Variants in MCM3 observed in about 807,000 individuals in gnomAD.
MCM3 encodes minichromosome maintenance complex component 3.
MCM3 carries 59 observed loss-of-function variants against 91.3 expected under a neutral mutation model. That is an observed-to-expected ratio of 0.65 (90% CI 0.52 to 0.80). The LOEUF is 0.80. Among genes scored for constraint, MCM3 ranks in the 30% least tolerant of loss-of-function variants. The pLI is 0.00. For synonymous variants in MCM3, 383 were observed against 379.6 expected, an observed-to-expected ratio of 1.01 and a Z score of -0.10; for missense variants, 919 against 1,035.4, an observed-to-expected ratio of 0.89 and a Z score of 1.54.
chr6:52,279,368 T>A lies in MCM3; in HGVS notation c.763A>T (p.Thr255Ser). 2 of 1,613,404 alleles carry A rather than the reference T, an allele frequency of 1.2e-6. No individual in the cohort carries two copies. Among genetic ancestry groups the A allele is most frequent in the Admixed American group, 1.7e-5 (1 of 60,014 alleles). Residue 255 changes from threonine (T) to serine (S), a missense_variant, in exon 5 of 17, where the codon ACC becomes TCC. Physicochemically the swap from Thr to Ser is moderately conservative, Grantham distance 58. This residue lies in a region of MCM3 where 401 missense variants were observed against 402.7 expected (regional missense o/e 1.00). Coordinates refer to ENST00000596288, the MANE Select transcript of MCM3 (RefSeq NM_002388.6). ...PGKKGGYTSG[T>S]FRTVLIACNV... ...TTAAGGCAGACCCTTTACCTGAAGG[T>A]CCCAGAGGTGTAGCCTCCCTTCTTT...
chr6:52,283,792 G>A (rs1410808194), intron 1 of MCM3, among the ~76,000 whole-genome samples: 2 of 152,204 alleles, frequency 1.3e-5, no homozygotes, highest in East Asian at 1.9e-4. Flanking sequence ...AGGTAACAAC[G>A]TGAATAGATG....
At chr6:52,264,879 A>C (rs1764521013) in intron 16 of MCM3, 93 bp from the exon 17 acceptor site, 1 of 1,010,852 alleles carries the variant, frequency 9.9e-7, no homozygotes, top group South Asian at 1.3e-5. Flanking sequence ...GTATTAATAC[A>C]GTAGAGGCGT....
At position 52,278,863 on chromosome 6, in the gene MCM3, G is replaced by A. The variant is rs746271528; in HGVS notation, c.771-13C>T. The A allele has an allele frequency of 5.1e-6, 8 of 1,562,836 alleles. No individual in the cohort carries two copies. The highest frequency in any genetic ancestry group is 1.4e-5 in the African/African-American group (1 of 73,744). On this transcript the variant is annotated splice_polypyrimidine_tract_variant and intron_variant, in intron 5 of 16. Coordinates refer to ENST00000596288, the MANE Select transcript of MCM3 (RefSeq NM_002388.6). ...AATCAGGACAGTCCTGGGACAAACAGAATAAAGAGGAAACCCGTTATATTC... is the reference window on the plus strand; with the variant it reads ...AATCAGGACAGTCCTGGGACAAACAAAATAAAGAGGAAACCCGTTATATTC...
intron 1 of MCM3, 23 bp downstream of exon 1, chr6:52,284,574 C>A: frequency 6.3e-7 from 1 of 1,588,324 alleles, no homozygotes; most frequent in Non-Finnish European, 8.5e-7. Flanking sequence ...GCGCTAGAGC[C>A]CGCGCGCCGG....
At chr6:52,284,544 C>A in intron 1 of MCM3, 53 bp downstream of exon 1, 1 of 1,525,270 alleles carries the variant, frequency 6.6e-7, no homozygotes, top group Non-Finnish European at 8.8e-7. Flanking sequence ...CCGGCCGGGC[C>A]GCGTCCGCAG....
intron 3 of MCM3, among the ~76,000 whole-genome samples, chr6:52,282,426 G>A (rs1766185705): frequency 6.6e-6 from 1 of 152,102 alleles, no homozygotes; most frequent in Non-Finnish European, 1.5e-5. Flanking sequence ...GAGATTGCCA[G>A]GAACCAAGAC....
Position 52,278,617 on chromosome 6 carries a change from A to G in MCM3, c.879+125T>C. The G allele has an allele frequency of 3.3e-6, 2 of 608,330 alleles. 1 individual carries two copies. Among genetic ancestry groups the G allele is most frequent in the Non-Finnish European group, 5.7e-6 (2 of 351,386 alleles). 37.7% of individuals were successfully genotyped at this position (608,330 alleles called of 1,614,324 possible). On this transcript the variant is annotated intron_variant, in intron 6 of 16. Coordinates refer to ENST00000596288, the MANE Select transcript of MCM3 (RefSeq NM_002388.6). ...CACCCTTCATTTGTTGATTGAGACA[A>G]AAATAGAAAAAGCTAACACCAAACC...
intron 4 of MCM3, among the ~76,000 whole-genome samples, chr6:52,281,819 T>C (rs1264331881): frequency 6.6e-6 from 1 of 152,200 alleles, no homozygotes; most frequent in East Asian, 1.9e-4. Context: ...CACTCCAACT[T>C]AGGCAACATA....
At chr6:52,284,398 G>A (rs543966702) in intron 1 of MCM3, among the ~76,000 whole-genome samples, 199 bp downstream of exon 1, 37 of 152,318 alleles carry the variant, frequency 2.4e-4, no homozygotes, top group Admixed American at 5.9e-4. Context: ...GAGAAAGCTG[G>A]CTTCCTAAGA....
At chr6:52,275,422 T>C (rs1200315514) in intron 9 of MCM3, among the ~76,000 whole-genome samples, 1 of 152,232 alleles carries the variant, frequency 6.6e-6, no homozygotes, top group African/African-American at 2.4e-5. Context: ...TAGTTACTGA[T>C]AGGATAAAAG....
rs759933577 is a variant in MCM3, at chr6:52,264,567, A to G, written c.*21T>C. 6.2e-7 allele frequency: 1 copy of G among 1,613,534 alleles called. No individual in the cohort carries two copies. ...AGAACAAACTCTCTCGGCACAACCCAAGTTCAGAGACGAGGCCTCCTCAGA... is the reference window on the plus strand; with the variant it reads ...AGAACAAACTCTCTCGGCACAACCCGAGTTCAGAGACGAGGCCTCCTCAGA... On this transcript the variant is annotated 3_prime_UTR_variant, in exon 17 of 17. Coordinates refer to ENST00000596288, the MANE Select transcript of MCM3 (RefSeq NM_002388.6).
At chr6:52,272,211 T>C (rs1030051094) in intron 12 of MCM3, 90 bp downstream of exon 12, 10 of 1,394,678 alleles carry the variant, frequency 7.2e-6, no homozygotes, top group Non-Finnish European at 9.6e-6. Context: ...GTCACTAAGT[T>C]AAAATGCTTT....
At position 52,276,442 on chromosome 6, in the gene MCM3, C is replaced by T. The variant is rs1765570324; in HGVS notation, c.1200G>A (p.Leu400=). ...ERRLEAGAMV[L]ADRGVVCIDE... is the part of the protein sequence containing the mutation. ...CAATGCAAACCACGCCTCGGTCAGC[C>T]AGGACCATGGCCCCTGCTTCCAGAC... Residue 400 remains leucine (L), a synonymous_variant, in exon 9 of 17, where the codon CTG becomes CTA. Coordinates refer to ENST00000596288, the MANE Select transcript of MCM3 (RefSeq NM_002388.6). 1 of 1,614,236 alleles carries T rather than the reference C, an allele frequency of 6.2e-7. No individual in the cohort carries two copies. Among genetic ancestry groups the T allele is most frequent in the Non-Finnish European group, 8.5e-7 (1 of 1,180,048 alleles).
At chr6:52,283,137 T>C (rs1208968929) in intron 2 of MCM3, among the ~76,000 whole-genome samples, 157 bp downstream of exon 2, 1 of 80,450 alleles carries the variant, frequency 1.2e-5, no homozygotes, top group Non-Finnish European at 2.7e-5. Context: ...ACCCACTTTT[T>C]GAAAAAAAAA....
Position 52,273,142 on chromosome 6 carries a change from T to G in MCM3, c.1676+88A>C, listed in dbSNP as rs1765270115. On this transcript the variant is annotated intron_variant, in intron 11 of 16. Transcript: ENST00000596288. ...CAGGCATGGCTTTGACCTGGGCATATAAGGCCTTAGCTAAGCTTAGATATA... is the reference window on the plus strand; with the variant it reads ...CAGGCATGGCTTTGACCTGGGCATAGAAGGCCTTAGCTAAGCTTAGATATA... 5 of 1,529,318 alleles carry G rather than the reference T, an allele frequency of 3.3e-6. No individual in the cohort carries two copies. The South Asian group carries it at 5.8e-5, about 18-fold the overall frequency. The allele number at this position is 1,529,318 out of a possible 1,614,324, so 94.7% of individuals were successfully genotyped here.
At chr6:52,277,801 G>T in intron 6 of MCM3, 113 bp from the exon 7 acceptor site, 2 of 894,758 alleles carry the variant, frequency 2.2e-6, no homozygotes, top group Non-Finnish European at 3.4e-6. Flanking sequence ...AGGCGCAGTG[G>T]CTCAGGTCTG....
At chr6:52,284,489 TC>T in intron 1 of MCM3, 107 bp downstream of exon 1, 1 of 997,440 alleles carries the variant, frequency 1.0e-6, no homozygotes, top group Non-Finnish European at 1.4e-6. Flanking sequence ...CCCGGCAGGC[TC>T]CGCTGCGGCA....
At chr6:52,268,984 T>C (rs1581710440) in intron 13 of MCM3, 102 bp downstream of exon 13, 6 of 1,282,360 alleles carry the variant, frequency 4.7e-6, no homozygotes, top group East Asian at 4.8e-5. Context: ...CTGCTTTCTG[T>C]TGACAATCCA....
chr6:52,273,822 T>C lies in MCM3; in HGVS notation c.1469A>G (p.Asp490Gly). The C allele has an allele frequency of 1.9e-6, 3 of 1,614,176 alleles. No individual in the cohort carries two copies. The highest frequency in any genetic ancestry group is 2.5e-6 in the Non-Finnish European group (3 of 1,180,022). ...DLLFIMLDQM[D>G]PEQDREISDH... Reference sequence around the variant, plus strand: ...TGAGATCTCCCGATCCTGCTCAGGATCCATCTGATCCAGCATGATGAAGAG... The same window carrying C: ...TGAGATCTCCCGATCCTGCTCAGGACCCATCTGATCCAGCATGATGAAGAG... The change falls in exon 10 of 17, where the codon GAT (aspartate) becomes GGT (glycine). Residue 490 changes from aspartate (D) to glycine (G), a missense_variant. Physicochemically the swap from Asp to Gly is moderately conservative, Grantham distance 94. Around this residue, in one of 3 missense-constraint regions of MCM3, gnomAD observed 233 missense variants for 321.2 expected, o/e 0.73. Transcript: ENST00000596288.
Sources: allele counts gnomAD v4.1 joint callset (sites outside exome capture counted in the v4.1 genomes callset), GRCh38; gene constraint gnomAD v4.1.1; regional missense constraint gnomAD v4.1.1; transcripts MANE v1.5; gene names NCBI Gene and HGNC (gene_info 2026-07-23, HGNC 2026-07-21).